The following LIPG variants were observed in gnomAD, a reference collection of about 807,000 sequenced individuals.
LIPG encodes endothelial lipase.
A neutral mutation model predicts 51.8 loss-of-function variants in LIPG; 34 were observed. The observed-to-expected ratio is 0.66, with a 90% CI of 0.50 to 0.87. The LOEUF (loss-of-function observed/expected upper bound fraction) is 0.87. Ranked by LOEUF, LIPG falls within the 40% of genes least tolerant of loss-of-function variation. The pLI is 0.00. For synonymous variants in LIPG, 246 were observed against 246.1 expected, an observed-to-expected ratio of 1.00 and a Z score of 0.00; for missense variants, 580 against 652.7, an observed-to-expected ratio of 0.89 and a Z score of 1.21.
intron 1 of LIPG, among the ~76,000 whole-genome samples, chr18:49,562,682 C>T (rs2084563616): frequency 6.6e-6 from 1 of 151,740 alleles, no homozygotes; most frequent in Non-Finnish European, 1.5e-5. Context: ...GCTCCCTAAG[C>T]CAGTGCTGGT....
chr18:49,572,481 A>G (rs921328435), intron 4 of LIPG, among the ~76,000 whole-genome samples: 4 of 152,192 alleles, frequency 2.6e-5, no homozygotes. Flanking sequence ...CCTGGGCCCT[A>G]TAAGTAGCAG....
chr18:49,571,969 C>T (rs1007799852), intron 4 of LIPG, among the ~76,000 whole-genome samples: 1 of 152,164 alleles, frequency 6.6e-6, no homozygotes, highest in African/African-American at 2.4e-5. Context: ...TGAATTTATT[C>T]AAGAAATGTG....
Position 49,591,070 on chromosome 18 carries a change from C to A in LIPG, c.*548C>A, listed in dbSNP as rs1361839745. ...ACGTCTTAGCCATTCCGTCCTGCTC[C>A]CCAGCTCACTCTCTGAAGCACACAT... On this transcript the variant is annotated 3_prime_UTR_variant, in exon 10 of 10. Coordinates refer to ENST00000261292, the MANE Select transcript of LIPG (RefSeq NM_006033.4). 13 of 173,544 alleles carry A rather than the reference C, an allele frequency of 7.5e-5. No homozygotes were observed. Among genetic ancestry groups the A allele is most frequent in the Admixed American group, 3.3e-4 (6 of 18,458 alleles). The allele number at this position is 173,544 out of a possible 1,614,324, so 10.8% of individuals were successfully genotyped here.
chr18:49,567,556 A>T lies in LIPG; in HGVS notation c.394A>T (p.Thr132Ser). Residue 132 changes from threonine to serine, a missense_variant, in exon 3 of 10, where the codon ACG (threonine) becomes TCG (serine). By Grantham distance (58) the Thr-to-Ser change is moderately conservative. Transcript: ENST00000261292. ...DWLPLAHQLYTDAVNNTRVVG... is the reference protein window; with the variant it reads ...DWLPLAHQLYSDAVNNTRVVG... ...GCTCCCCCTGGCCCACCAGCTTTAC[A>T]CGGATGCGGTCAATAATACCAGGGT... The T allele has an allele frequency of 6.2e-7, 1 of 1,614,130 alleles. No individual in the cohort carries two copies. The highest frequency in any genetic ancestry group is 1.1e-5 in the South Asian group (1 of 91,074).
chr18:49,573,702 C>G (rs1323996483), intron 4 of LIPG, among the ~76,000 whole-genome samples: 2 of 152,190 alleles, frequency 1.3e-5, no homozygotes, highest in Admixed American at 6.5e-5. Flanking sequence ...GACGGTAGCT[C>G]TGCCTCTTGT....
chr18:49,571,050 A>G (rs1400214843), intron 4 of LIPG, among the ~76,000 whole-genome samples: 1 of 152,146 alleles, frequency 6.6e-6, no homozygotes, highest in Non-Finnish European at 1.5e-5. Flanking sequence ...TGATCCAATG[A>G]CTTGATTCAT....
chr18:49,580,674 A>C (rs2084809878), intron 5 of LIPG, among the ~76,000 whole-genome samples: 1 of 152,088 alleles, frequency 6.6e-6, no homozygotes, highest in South Asian at 2.1e-4. Context: ...AAAAAGAGGT[A>C]GCAAACCTGC....
intron 4 of LIPG, among the ~76,000 whole-genome samples, chr18:49,570,025 C>A (rs1049694141): frequency 1.3e-5 from 2 of 152,220 alleles, no homozygotes; most frequent in Admixed American, 6.5e-5. Flanking sequence ...CCCTTCAGGT[C>A]TCCACCCAAG....
intron 3 of LIPG, 22 bp from the exon 4 acceptor site, chr18:49,569,415 A>G (rs764821032): frequency 6.2e-7 from 1 of 1,603,788 alleles, no homozygotes; most frequent in African/African-American, 1.3e-5. Context: ...TTCTGCTCAC[A>G]TACTTTGGTG....
At position 49,575,472 on chromosome 18, in the gene LIPG, C is replaced by T; in HGVS notation, c.675C>T (p.Ser225=). The T allele has an allele frequency of 3.7e-6, 6 of 1,614,230 alleles. No individual in the cohort carries two copies. Among genetic ancestry groups the T allele is most frequent in the Non-Finnish European group, 8.5e-7 (1 of 1,180,054 alleles). The part of the protein sequence containing the change: ...FVDVLHTYTR[S]FGLSIGIQMP... ...ATGTCCTCCACACCTACACGCGTTC[C>T]TTCGGCTTGAGCATTGGTATTCAGA... The change falls in exon 5 of 10, where the codon TCC becomes TCT. Residue 225 remains serine, a synonymous_variant. Coordinates refer to ENST00000261292, the MANE Select transcript of LIPG (RefSeq NM_006033.4).
At chr18:49,565,082 A>G (rs543401573) in intron 1 of LIPG, among the ~76,000 whole-genome samples, 13 of 152,374 alleles carry the variant, frequency 8.5e-5, no homozygotes, top group East Asian at 7.7e-4. Flanking sequence ...TTTATTTCAG[A>G]GTGACAGTAA....
intron 7 of LIPG, 142 bp downstream of exon 7, chr18:49,582,624 C>T: frequency 9.2e-7 from 1 of 1,083,106 alleles, no homozygotes. Flanking sequence ...GGTGGTCTAG[C>T]TGGCCTCTGC....
chr18:49,565,181 G>A, intron 1 of LIPG, 136 bp from the exon 2 acceptor site: 1 of 761,896 alleles, frequency 1.3e-6, no homozygotes, highest in East Asian at 2.7e-5. Flanking sequence ...GAGGTGAAAA[G>A]GGAACATTCA....
chr18:49,587,696 G>A (rs1269528970), intron 9 of LIPG, among the ~76,000 whole-genome samples: 1 of 151,510 alleles, frequency 6.6e-6, no homozygotes, highest in East Asian at 1.9e-4. Flanking sequence ...GCCTCAACCT[G>A]TAGGGGTTCA....
intron 5 of LIPG, among the ~76,000 whole-genome samples, chr18:49,577,721 T>C (rs1233997738): frequency 4.1e-5 from 3 of 72,542 alleles, no homozygotes; most frequent in East Asian, 6.5e-4. Context: ...CCCTCCCGGA[T>C]GGCACGGCTG....
intron 2 of LIPG, among the ~76,000 whole-genome samples, chr18:49,565,796 G>A (rs920217042): frequency 4.6e-5 from 7 of 152,280 alleles, no homozygotes; most frequent in South Asian, 4.2e-4. Flanking sequence ...ACTTAATTAC[G>A]CTGGTCAACC....
chr18:49,597,905 G>T lies in LIPG; in HGVS notation c.*7383G>T, dbSNP rs2084990990. ...CTAAAATGACATTATCTTTACTTCT[G>T]CCCTGGTTATTATCCCAAGGCAACT... On this transcript the variant is annotated 3_prime_UTR_variant, in exon 10 of 10. Coordinates refer to ENST00000261292, the MANE Select transcript of LIPG (RefSeq NM_006033.4). 6.6e-6 allele frequency: 1 copy of T among 152,206 alleles called. No individual in the cohort carries two copies. The highest frequency in any genetic ancestry group is 1.5e-5 in the Non-Finnish European group (1 of 68,040). The allele number at this position is 152,206 out of a possible 1,614,324, so 9.4% of individuals were successfully genotyped here.
intron 5 of LIPG, among the ~76,000 whole-genome samples, chr18:49,580,577 T>C (rs1367154599): frequency 3.3e-5 from 5 of 151,840 alleles, no homozygotes. Context: ...CAGGTGAGGA[T>C]CACTTGAGCC....
intron 8 of LIPG, 56 bp from the exon 9 acceptor site, chr18:49,586,690 A>C: frequency 7.8e-7 from 1 of 1,280,760 alleles, no homozygotes; most frequent in Non-Finnish European, 1.1e-6. Context: ...TCTAGAAAGC[A>C]CAGCTGGATT....
Sources: allele counts gnomAD v4.1 joint callset (sites outside exome capture counted in the v4.1 genomes callset), GRCh38; gene constraint gnomAD v4.1.1; transcripts MANE v1.5; gene names NCBI Gene and HGNC (gene_info 2026-07-23, HGNC 2026-07-21).